The following DGKB variants were observed in gnomAD, a reference collection of about 807,000 sequenced individuals.
DGKB encodes diacylglycerol kinase beta.
DGKB carries 67 observed loss-of-function variants against 114.3 expected under a neutral mutation model. The ratio of observed to expected loss-of-function variants is 0.59; its 90% CI spans 0.48 to 0.72. The LOEUF (loss-of-function observed/expected upper bound fraction) is 0.72. DGKB is among the 30% of genes least tolerant of loss of function. The pLI is 0.00. For synonymous variants in DGKB, 398 were observed against 323.1 expected, an observed-to-expected ratio of 1.23 and a Z score of -2.49; for missense variants, 907 against 975.2, an observed-to-expected ratio of 0.93 and a Z score of 0.93.
chr7:14,244,822 T>G (rs545015773), intron 23 of DGKB, among the ~76,000 whole-genome samples: 31 of 152,008 alleles, frequency 2.0e-4, no homozygotes, highest in African/African-American at 6.3e-4. Flanking sequence ...CTCTTCTCTA[T>G]GAAAAGTGGT....
intron 19 of DGKB, among the ~76,000 whole-genome samples, chr7:14,580,584 A>G (rs545617077): frequency 6.6e-6 from 1 of 152,294 alleles, no homozygotes; most frequent in East Asian, 1.9e-4. Flanking sequence ...TTTTCTAAAC[A>G]AAAAAATCAA....
At chr7:14,262,132 T>C (rs1404641543) in intron 23 of DGKB, among the ~76,000 whole-genome samples, 2 of 152,128 alleles carry the variant, frequency 1.3e-5, no homozygotes, top group Non-Finnish European at 2.9e-5. Context: ...TCCAAGATAA[T>C]GACGTATCAG....
In DGKB at chr7:14,146,635, T is replaced by A. The variant is rs534522864; in HGVS notation, c.*2496A>T. 2.0e-5 allele frequency: 3 copies of A among 152,250 alleles called. No homozygotes were observed. In the South Asian group the frequency reaches 6.2e-4, roughly 32 times the overall value. 9.4% of individuals were successfully genotyped at this position (152,250 alleles called of 1,614,324 possible). ...TTTCAAACCCATCAAGTTACGTTTT[T>A]AAAAACTACTTTCCAAACCCCAGGG... On this transcript the variant is annotated 3_prime_UTR_variant, in exon 26 of 26. Coordinates refer to ENST00000402815, the MANE Select transcript of DGKB (RefSeq NM_001350709.2).
chr7:14,809,985 T>C (rs1005141304), intron 2 of DGKB, among the ~76,000 whole-genome samples: 1 of 152,182 alleles, frequency 6.6e-6, no homozygotes, highest in Non-Finnish European at 1.5e-5. Context: ...TTCCACTAAA[T>C]CTGATGCACA....
intron 21 of DGKB, among the ~76,000 whole-genome samples, chr7:14,458,639 T>C (rs1832642251): frequency 6.6e-6 from 1 of 152,308 alleles, no homozygotes. Flanking sequence ...CCTGAGGGAC[T>C]GTGCCATGAG....
intron 2 of DGKB, among the ~76,000 whole-genome samples, chr7:14,827,923 AAATG>A (rs754055800): frequency 6.6e-6 from 1 of 151,966 alleles, no homozygotes; most frequent in Admixed American, 6.6e-5. Flanking sequence ...ATGAACTCCG[AAATG>A]AATGTGAAAT....
intron 23 of DGKB, among the ~76,000 whole-genome samples, chr7:14,327,121 A>G (rs1288207927): frequency 1.3e-5 from 2 of 152,116 alleles, no homozygotes; most frequent in Non-Finnish European, 2.9e-5. Flanking sequence ...ATGGCTCTTG[A>G]ATTGCAACGG....
At chr7:14,574,176 A>G (rs371179048) in intron 20 of DGKB, 36 bp downstream of exon 20, 1 of 1,572,220 alleles carries the variant, frequency 6.4e-7, no homozygotes, top group Non-Finnish European at 8.7e-7. Flanking sequence ...ATTATACAGT[A>G]CAGGTACAAA....
intron 21 of DGKB, among the ~76,000 whole-genome samples, chr7:14,418,171 T>C (rs1826003805): frequency 6.9e-6 from 1 of 145,242 alleles, no homozygotes; most frequent in Admixed American, 7.0e-5. Flanking sequence ...ATATTTTATA[T>C]TTTATAAATA....
chr7:14,482,597 A>C (rs764466616), intron 20 of DGKB, among the ~76,000 whole-genome samples: 5 of 152,090 alleles, frequency 3.3e-5, no homozygotes, highest in Non-Finnish European at 7.4e-5. Flanking sequence ...CACAAAGAGC[A>C]GCTTAGTTCA....
At chr7:14,214,597 T>C (rs1056884174) in intron 23 of DGKB, among the ~76,000 whole-genome samples, 1 of 152,146 alleles carries the variant, frequency 6.6e-6, no homozygotes, top group Non-Finnish European at 1.5e-5. Context: ...AACAAACATA[T>C]TTTGCTCTAT....
intron 2 of DGKB, among the ~76,000 whole-genome samples, chr7:14,838,397 A>C (rs1052877151): frequency 6.6e-5 from 10 of 152,198 alleles, no homozygotes; most frequent in Non-Finnish European, 1.5e-4. Flanking sequence ...AAGTACTTAA[A>C]CACTGGAAAA....
At chr7:14,170,141 A>AG (rs1554271959) in intron 25 of DGKB, among the ~76,000 whole-genome samples, 6 of 102,790 alleles carry the variant, frequency 5.8e-5, no homozygotes, top group Non-Finnish European at 8.5e-5. Context: ...TCTCAAAAAA[A>AG]AAAAAAAGAA....
chr7:14,184,664 C>G (rs1246991025), intron 23 of DGKB, among the ~76,000 whole-genome samples: 1 of 152,090 alleles, frequency 6.6e-6, no homozygotes, highest in Non-Finnish European at 1.5e-5. Context: ...ATGCCTAACC[C>G]TGCCCTCCTC....
chr7:14,672,999 T>G lies in DGKB; in HGVS notation c.1064A>C (p.Lys355Thr). Residue 355 changes from lysine to threonine, a missense_variant, in exon 13 of 26, where the codon AAA (lysine) becomes ACA (threonine). Transcript: ENST00000402815. ...CAAAGGTCCACAGTCACATTCAGGTTTTAGATGAGAAGCACATTTATTATG... is the reference window on the plus strand; with the variant it reads ...CAAAGGTCCACAGTCACATTCAGGTGTTAGATGAGAAGCACATTTATTATG... ...TLHNKCASHL[K>T]PECDCGPLKD... The G allele has an allele frequency of 6.3e-7, 1 of 1,576,114 alleles. No individual in the cohort carries two copies. Among genetic ancestry groups the G allele is most frequent in the Admixed American group, 1.8e-5 (1 of 54,696 alleles).
intron 13 of DGKB, among the ~76,000 whole-genome samples, chr7:14,659,143 C>T (rs1051327965): frequency 5.9e-5 from 9 of 151,812 alleles, no homozygotes; most frequent in African/African-American, 1.9e-4. Context: ...ATTGTATTAA[C>T]TCTATTCTTA....
intron 20 of DGKB, among the ~76,000 whole-genome samples, chr7:14,478,991 C>T (rs1037736509): frequency 4.6e-5 from 7 of 152,048 alleles, no homozygotes; most frequent in Admixed American, 3.3e-4. Context: ...TACTGCTATC[C>T]AAGCTTTTCA....
intron 25 of DGKB, among the ~76,000 whole-genome samples, chr7:14,174,452 C>T (rs760906082): frequency 4.6e-5 from 7 of 152,124 alleles, no homozygotes; most frequent in Admixed American, 1.3e-4. Context: ...GACCGCTTCT[C>T]GACTCAAAAC....
intron 21 of DGKB, among the ~76,000 whole-genome samples, chr7:14,414,533 G>T (rs963744197): frequency 6.6e-6 from 1 of 152,090 alleles, no homozygotes; most frequent in African/African-American, 2.4e-5. Context: ...TAATTAATCA[G>T]AGCTTTAGTT....
Sources: allele counts gnomAD v4.1 joint callset (sites outside exome capture counted in the v4.1 genomes callset), GRCh38; gene constraint gnomAD v4.1.1; transcripts MANE v1.5; gene names NCBI Gene and HGNC (gene_info 2026-07-23, HGNC 2026-07-21).